Variants in SMARCB1 observed in about 807,000 individuals in gnomAD.
The protein encoded by SMARCB1 is SWI/SNF related BAF chromatin remodeling complex subunit B1, also known as SWI/SNF-related matrix-associated actin-dependent regulator of chromatin subfamily B member 1.
Under a neutral mutation model 49.0 loss-of-function variants are expected in SMARCB1, and 5 were observed. The observed-to-expected ratio is 0.10, with a 90% confidence interval of 0.05 to 0.21. The LOEUF is 0.21. SMARCB1 is among the 10% of genes least tolerant of loss of function. The pLI, the probability that SMARCB1 is intolerant of heterozygous loss-of-function variation, is 1.00. For missense variants in SMARCB1, 226 were observed against 509.2 expected (o/e 0.44, Z 5.35); for synonymous variants, 201 against 200.1 (o/e 1.00, Z -0.04).
chr22:23,834,815 C>G lies in SMARCB1; in HGVS notation c.*635C>G, dbSNP rs572741451. ...TCAGGAACAGCCCTAACCCTGCTCCCCTTGCTTGGCCTCAGGAAGGTGCCG... is the reference window on the plus strand; with the variant it reads ...TCAGGAACAGCCCTAACCCTGCTCCGCTTGCTTGGCCTCAGGAAGGTGCCG... On this transcript the variant is annotated 3_prime_UTR_variant, in exon 9 of 9. Transcript: ENST00000644036. 18 of 1,608,600 alleles carry G rather than the reference C, an allele frequency of 1.1e-5. No homozygotes were observed. The African/African-American group carries it at 2.3e-4, about 20-fold the overall frequency.
chr22:23,835,804 G>C lies in SMARCB1; in HGVS notation c.*1624G>C. 1.0e-6 allele frequency: 1 copy of C among 985,500 alleles called. No individual in the cohort carries two copies. Among genetic ancestry groups the C allele is most frequent in the Non-Finnish European group, 1.2e-6 (1 of 829,956 alleles). 61.0% of individuals were successfully genotyped at this position (985,500 alleles called of 1,614,324 possible). ...TGGGGGGATGGAAGGAACCTTGGCT[G>C]CCTCACCCCACAGGTCGGGCAGGGC... On this transcript the variant is annotated 3_prime_UTR_variant, in exon 9 of 9. Transcript: ENST00000644036.
chr22:23,804,985 A>G (rs1929404903), intron 5 of SMARCB1, among the ~76,000 whole-genome samples: 1 of 152,158 alleles, frequency 6.6e-6, no homozygotes, highest in Non-Finnish European at 1.5e-5. Context: ...GGATTTCCTA[A>G]GGGAGGAGAG....
intron 5 of SMARCB1, among the ~76,000 whole-genome samples, chr22:23,810,626 GATAA>G (rs1767164630): frequency 6.6e-6 from 1 of 151,562 alleles, no homozygotes; most frequent in Non-Finnish European, 1.5e-5. Flanking sequence ...AAAAAATGTA[GATAA>G]ATAAAATAGA....
At position 23,834,223 on chromosome 22, in the gene SMARCB1, T is replaced by C. The variant is rs770316611; in HGVS notation, c.*43T>C. The C allele has an allele frequency of 1.1e-5, 17 of 1,551,436 alleles. No individual in the cohort carries two copies. The highest frequency in any genetic ancestry group is 1.5e-5 in the Non-Finnish European group (17 of 1,144,594). ...GGCTCCCACGGAGCATCTCAGAAGA[T>C]TGGGCCGCCTCTCCTCCATCTTCTG... On this transcript the variant is annotated 3_prime_UTR_variant, in exon 9 of 9. Transcript: ENST00000644036.
At chr22:23,808,995 G>A (rs1601412186) in intron 5 of SMARCB1, among the ~76,000 whole-genome samples, 1 of 151,840 alleles carries the variant, frequency 6.6e-6, no homozygotes, top group East Asian at 2.0e-4. Context: ...ACTGTGCTCG[G>A]CCAATTTTTT....
intron 8 of SMARCB1, among the ~76,000 whole-genome samples, 200 bp from the exon 9 acceptor site, chr22:23,833,939 GTT>G (rs1201836184): frequency 6.6e-6 from 1 of 152,252 alleles, no homozygotes. Flanking sequence ...CCAGATCCAG[GTT>G]TTGGGGTCCC....
intron 7 of SMARCB1, among the ~76,000 whole-genome samples, chr22:23,831,377 G>T (rs994655875): frequency 2.6e-5 from 4 of 152,190 alleles, no homozygotes; most frequent in African/African-American, 9.7e-5. Flanking sequence ...CCCTGCCTGG[G>T]TATCTTTGTC....
intron 6 of SMARCB1, among the ~76,000 whole-genome samples, chr22:23,822,957 C>CTTTTTTTTTTTTT (rs58056758): frequency 2.7e-5 from 2 of 72,764 alleles, no homozygotes; most frequent in Non-Finnish European, 5.4e-5. Context: ...ACCAGCATAG[C>CTTTTTTTTTTTTT]TTTTTTTTTT....
chr22:23,787,541 T>C (rs1928091044), intron 1 of SMARCB1, among the ~76,000 whole-genome samples: 1 of 152,160 alleles, frequency 6.6e-6, no homozygotes, highest in Admixed American at 6.5e-5. Context: ...GCTGGGTTGG[T>C]TTCCAGTCAG....
intron 1 of SMARCB1, among the ~76,000 whole-genome samples, chr22:23,791,460 T>C (rs1259297702): frequency 4.6e-5 from 7 of 152,236 alleles, no homozygotes; most frequent in African/African-American, 1.7e-4. Context: ...AGATCCTTAG[T>C]CCAAAATCAA....
intron 5 of SMARCB1, among the ~76,000 whole-genome samples, chr22:23,814,430 C>T (rs1377981266): frequency 1.3e-5 from 2 of 152,226 alleles, no homozygotes; most frequent in African/African-American, 2.4e-5. Context: ...CTTCGGGAGG[C>T]TGAGGTGGGC....
At chr22:23,799,006 C>T (rs1022733272) in intron 3 of SMARCB1, among the ~76,000 whole-genome samples, 2 of 149,824 alleles carry the variant, frequency 1.3e-5, no homozygotes, top group South Asian at 2.1e-4. Flanking sequence ...GCCCAGATGG[C>T]GCCACTGTAC....
chr22:23,836,136 A>C lies in SMARCB1; in HGVS notation c.*1956A>C. 1 of 985,436 alleles carries C rather than the reference A, an allele frequency of 1.0e-6. No homozygotes were observed. Among genetic ancestry groups the C allele is most frequent in the Non-Finnish European group, 1.2e-6 (1 of 829,952 alleles). 61.0% of individuals were successfully genotyped at this position (985,436 alleles called of 1,614,324 possible). On this transcript the variant is annotated 3_prime_UTR_variant, in exon 9 of 9. Transcript: ENST00000644036. ...CCTCAGCTAAAAAGGGCAGGAACAGAACCTTCCAGAAGTCCCTGCCTCACC... is the reference window on the plus strand; with the variant it reads ...CCTCAGCTAAAAAGGGCAGGAACAGCACCTTCCAGAAGTCCCTGCCTCACC...
Position 23,790,340 on chromosome 22 carries a change from G to A in SMARCB1, c.94-1416G>A, listed in dbSNP as rs187049503. 2.3e-3 allele frequency among the ~76,000 whole-genome samples: 351 copies of A among 152,294 alleles called. 4 individuals are homozygous for A. Among genetic ancestry groups the A allele is most frequent in the Non-Finnish European group, 3.5e-3 (239 of 68,028 alleles). On this transcript the variant is annotated intron_variant, in intron 1 of 8. Coordinates refer to ENST00000644036, the MANE Select transcript of SMARCB1 (RefSeq NM_003073.5). ...GGAAAGCGAGTGACTTGCTGTGTCT[G>A]CTCTTCTCTCAGCGTTCAGTAGCCC... is the stretch of plus-strand genomic sequence containing the variant.
chr22:23,808,754 A>G (rs1295716860), intron 5 of SMARCB1, among the ~76,000 whole-genome samples: 1 of 148,828 alleles, frequency 6.7e-6, no homozygotes, highest in African/African-American at 2.5e-5. Flanking sequence ...GCTGGAGTGC[A>G]GTTGCACAGT....
chr22:23,825,598 G>A (rs889130680), intron 7 of SMARCB1, 183 bp downstream of exon 7: 1 of 609,056 alleles, frequency 1.6e-6, no homozygotes, highest in Admixed American at 2.9e-5. Context: ...GCTCCGCTGT[G>A]CCAGGTAGGG....
At chr22:23,807,077 G>A (rs555055654) in intron 5 of SMARCB1, among the ~76,000 whole-genome samples, 1 of 152,098 alleles carries the variant, frequency 6.6e-6, no homozygotes, top group Non-Finnish European at 1.5e-5. Context: ...GCCTGCTGAG[G>A]GAGGGAAGTA....
rs1568936098 is a variant in SMARCB1, at chr22:23,791,828, A to T, written c.166A>T (p.Thr56Ser). The stretch of plus-strand genomic sequence containing the variant: ...CCCCTCACTCTGGAGGCGACTAGCC[A>T]CTGTGGAAGAGAGGAAGAAAATAGT... Reference protein sequence around the residue: ...RYPSLWRRLATVEERKKIVAS... With the variant: ...RYPSLWRRLASVEERKKIVAS... The change falls in exon 2 of 9, where the codon ACT becomes TCT. Residue 56 changes from threonine (T) to serine (S), a missense_variant. By Grantham distance (58) the Thr-to-Ser change is moderately conservative. Around this residue, in one of 6 missense-constraint regions of SMARCB1, gnomAD observed 7 missense variants for 43.8 expected, o/e 0.16. Transcript: ENST00000644036. The T allele has an allele frequency of 6.2e-7, 1 of 1,613,644 alleles. No homozygotes were observed.
chr22:23,835,618 A>C lies in SMARCB1; in HGVS notation c.*1438A>C. On this transcript the variant is annotated 3_prime_UTR_variant, in exon 9 of 9. Transcript: ENST00000644036. Reference sequence around the variant, plus strand: ...ACTCCCCAGAGCCCCATGCACAGCAAGGGGACAGCTGGGCCTTACTGGAAG... The same window carrying C: ...ACTCCCCAGAGCCCCATGCACAGCACGGGGACAGCTGGGCCTTACTGGAAG... 1.0e-6 allele frequency: 1 copy of C among 985,480 alleles called. No individual in the cohort carries two copies. Among genetic ancestry groups the C allele is most frequent in the East Asian group, 1.1e-4 (1 of 8,802 alleles). The allele number at this position is 985,480 out of a possible 1,614,324, so 61.0% of individuals were successfully genotyped here. A position where few individuals can be genotyped will look rare whatever the true frequency, so the allele number is the denominator to read the frequency against.
Sources: allele counts gnomAD v4.1 joint callset (sites outside exome capture counted in the v4.1 genomes callset), GRCh38; gene constraint gnomAD v4.1.1; regional missense constraint gnomAD v4.1.1; transcripts MANE v1.5; gene names NCBI Gene and HGNC (gene_info 2026-07-23, HGNC 2026-07-21).